ZNF331: variants seen among roughly 807,000 people sequenced by gnomAD.
The protein encoded by ZNF331 is zinc finger protein 331, also known as C2H2-like zinc finger protein rearranged in thyroid adenomas.
ZNF331 carries 2 observed loss-of-function variants against 7.0 expected under a neutral mutation model. The ratio of observed to expected loss-of-function variants is 0.29; its 90% CI spans 0.12 to 0.90. The LOEUF is 0.90. Ranked by LOEUF, ZNF331 falls within the 40% of genes least tolerant of loss-of-function variation. The probability of loss-of-function intolerance (pLI) is 0.58; values close to 1 mark genes in which losing one functional copy is unlikely to be tolerated. For missense variants in ZNF331, 432 were observed against 587.7 expected, an observed-to-expected ratio of 0.74 and a Z score of 2.74; for synonymous variants, 196 against 205.4, an observed-to-expected ratio of 0.95 and a Z score of 0.39.
In ZNF331 at chr19:53,541,342, G is replaced by A. The variant is rs190034049; in HGVS notation, c.-138+2060G>A. Among the ~76,000 whole-genome samples, 529 of 152,110 alleles carry A rather than the reference G, an allele frequency of 3.5e-3. 4 individuals are homozygous for A. Among genetic ancestry groups the A allele is most frequent in the African/African-American group, 0.012 (509 of 41,488 alleles). On this transcript the variant is annotated intron_variant, in intron 2 of 5. Coordinates refer to ENST00000449416, the MANE Select transcript of ZNF331 (RefSeq NM_001079906.2). ...GCTGGTCTCGAGCTCCCGACCTCAG[G>A]TGCTCTGCCTGCCTCGGCCTCCCAA...
intron 3 of ZNF331, among the ~76,000 whole-genome samples, chr19:53,556,198 G>GCGC (rs2147475623): frequency 7.1e-6 from 1 of 140,354 alleles, no homozygotes; most frequent in Non-Finnish European, 1.5e-5. Context: ...AGCCGAGATC[G>GCGC]CACCGCTTCA....
chr19:53,509,728 T>C, the ZNF331 span, among the ~76,000 whole-genome samples: 1 of 152,134 alleles, frequency 6.6e-6, no homozygotes, highest in African/African-American at 2.4e-5. Context: ...CTGGGAAAGC[T>C]CTGATCACAT....
At chr19:53,557,395 A>C (rs768541925) in intron 3 of ZNF331, among the ~76,000 whole-genome samples, 7 of 152,132 alleles carry the variant, frequency 4.6e-5, no homozygotes, top group Non-Finnish European at 8.8e-5. Context: ...GGTGAAAGGG[A>C]GCTGAGAGCT....
chr19:53,513,157 ACCCT>A, the ZNF331 span, among the ~76,000 whole-genome samples: 1 of 149,702 alleles, frequency 6.7e-6, no homozygotes, highest in African/African-American at 2.5e-5. Context: ...GATCTCTAAA[ACCCT>A]CTCAGCCGCT....
At chr19:53,559,356 C>T (rs2089669103) in intron 3 of ZNF331, among the ~76,000 whole-genome samples, 2 of 149,236 alleles carry the variant, frequency 1.3e-5, no homozygotes, top group African/African-American at 5.1e-5. Context: ...ACACACCATA[C>T]ACACATATAC....
In ZNF331 at chr19:53,578,921, C is replaced by T. The variant is rs2090832999; in HGVS notation, c.*969C>T. ...GTTCCAGCAATTCTCCTGCCTCAGC[C>T]TCCCCAGTAGCTGGGATTACAGACA... On this transcript the variant is annotated 3_prime_UTR_variant, in exon 6 of 6. Transcript: ENST00000449416. The T allele has an allele frequency of 5.5e-6, 1 of 180,628 alleles. No homozygotes were observed. The highest frequency in any genetic ancestry group is 6.3e-5 in the Admixed American group (1 of 15,902). 11.2% of individuals were successfully genotyped at this position (180,628 alleles called of 1,614,324 possible). A position where few individuals can be genotyped will look rare whatever the true frequency, so the allele number is the denominator to read the frequency against.
At chr19:53,570,562 C>T (rs932866663) in intron 4 of ZNF331, among the ~76,000 whole-genome samples, 6 of 151,788 alleles carry the variant, frequency 4.0e-5, no homozygotes, top group Non-Finnish European at 8.8e-5. Flanking sequence ...GACGGAGTTT[C>T]ACTCTTGTTG....
At chr19:53,569,008 C>CA (rs1402941611) in intron 3 of ZNF331, among the ~76,000 whole-genome samples, 2 of 152,038 alleles carry the variant, frequency 1.3e-5, no homozygotes, top group Non-Finnish European at 2.9e-5. Context: ...AGGCACGTGC[C>CA]ACCACATCCG....
chr19:53,506,151 T>C, the ZNF331 span, among the ~76,000 whole-genome samples: 1 of 150,616 alleles, frequency 6.6e-6, no homozygotes, highest in Admixed American at 6.6e-5. Context: ...CTGCCCAACA[T>C]GGGGAAACCC....
At chr19:53,519,980 T>C (rs1247924575), upstream of ZNF331, among the ~76,000 whole-genome samples, 2 of 152,194 alleles carry the variant, frequency 1.3e-5, no homozygotes, top group Non-Finnish European at 2.9e-5. Context: ...AGGAGGGCCA[T>C]GTTGCATGCT....
rs938649203 is a variant in ZNF331 at position 53,579,902 on chromosome 19, G to GA, written c.*1959dup. 98 of 200,100 alleles carry GA rather than the reference G, an allele frequency of 4.9e-4. No individual in the cohort carries two copies. Among genetic ancestry groups the GA allele is most frequent in the African/African-American group, 7.2e-4 (31 of 43,204 alleles). 12.4% of individuals were successfully genotyped at this position (200,100 alleles called of 1,614,324 possible). A position where few individuals can be genotyped will look rare whatever the true frequency, so the allele number is the denominator to read the frequency against. On this transcript the variant is annotated 3_prime_UTR_variant, in exon 6 of 6. Coordinates refer to ENST00000449416, the MANE Select transcript of ZNF331 (RefSeq NM_001079906.2). ...GAAAATATAAAGAATCCCTCAAGTT[G>GA]AAAAAAAAATCAATTTAAAGGGGAG...
chr19:53,568,082 C>G (rs2090248513), intron 3 of ZNF331, among the ~76,000 whole-genome samples: 1 of 151,956 alleles, frequency 6.6e-6, no homozygotes, highest in Non-Finnish European at 1.5e-5. Context: ...AACCCCATCT[C>G]TACTAAAAAT....
At chr19:53,531,869 C>G (rs2708814) in intron 2 of ZNF331, among the ~76,000 whole-genome samples, 52,450 of 151,594 alleles carry the variant, frequency 0.35, 9,772 homozygotes, top group African/African-American at 0.49. Context: ...TTCTGTAAAA[C>G]GTTCAGCAGT....
At chr19:53,554,080 C>G (rs2089194732) in intron 2 of ZNF331, among the ~76,000 whole-genome samples, 1 of 152,224 alleles carries the variant, frequency 6.6e-6, no homozygotes, top group Middle Eastern at 3.2e-3. Context: ...TCGCCCTCCT[C>G]AAGCCTCTCA....
chr19:53,559,920 C>A (rs909690568), intron 3 of ZNF331, among the ~76,000 whole-genome samples: 1 of 149,614 alleles, frequency 6.7e-6, no homozygotes, highest in African/African-American at 2.5e-5. Flanking sequence ...ACATACATAC[C>A]CACACCATAC....
chr19:53,505,287 GTGTTTT>G, the ZNF331 span, among the ~76,000 whole-genome samples: 28,102 of 151,786 alleles, frequency 0.19, 2,749 homozygotes, highest in East Asian at 0.3. Flanking sequence ...TCATTTTGTT[GTGTTTT>G]TGTTTTTGTT....
upstream of ZNF331, among the ~76,000 whole-genome samples, chr19:53,519,732 C>T (rs2086995697): frequency 6.6e-6 from 1 of 152,160 alleles, no homozygotes; most frequent in South Asian, 2.1e-4. Flanking sequence ...CAAAGTCCTG[C>T]CCTTACAGAG....
chr19:53,549,377 G>A (rs970177336), intron 2 of ZNF331, among the ~76,000 whole-genome samples: 8 of 152,092 alleles, frequency 5.3e-5, no homozygotes, highest in Non-Finnish European at 8.8e-5. Context: ...AAAGAAAGAC[G>A]GTTTACTGTA....
chr19:53,540,028 G>A (rs1264457550), intron 2 of ZNF331, among the ~76,000 whole-genome samples: 1 of 152,170 alleles, frequency 6.6e-6, no homozygotes, highest in African/African-American at 2.4e-5. Flanking sequence ...AAATTCCATT[G>A]AATAAGATTT....
Sources: gnomAD v4.1 joint callset for allele counts (sites outside exome capture counted in the v4.1 genomes callset) on GRCh38, gnomAD v4.1.1 for gene constraint, MANE v1.5 for transcripts, NCBI Gene and HGNC (gene_info 2026-07-23, HGNC 2026-07-21) for gene names.